Variants in CHCHD5 observed in about 807,000 individuals in gnomAD.
The protein encoded by CHCHD5 is coiled-coil-helix-coiled-coil-helix domain containing 5.
CHCHD5 carries 10 observed loss-of-function variants against 16.0 expected under a neutral mutation model. The ratio of observed to expected loss-of-function variants is 0.63; its 90% confidence interval spans 0.39 to 1.06. The LOEUF is 1.06. Ranked by LOEUF, CHCHD5 falls within the 50% of genes least tolerant of loss-of-function variation. CHCHD5 has a pLI of 0.01. For synonymous variants in CHCHD5, 55 were observed against 56.3 expected (o/e 0.98, Z 0.10); for missense variants, 163 against 153.4 (o/e 1.06, Z -0.33).
intron 2 of CHCHD5, 42 bp from the exon 3 acceptor site, chr2:112,586,158 G>A (rs1464279260): frequency 1.9e-6 from 3 of 1,609,900 alleles, no homozygotes; most frequent in Admixed American, 1.7e-5. Context: ...GTGGGCAGTG[G>A]GGTGGGAATC....
chr2:112,588,804 A>C, intron 3 of CHCHD5, 62 bp from the exon 4 acceptor site: 1 of 1,376,834 alleles, frequency 7.3e-7, no homozygotes, highest in African/African-American at 1.4e-5. Flanking sequence ...TGGTGTCTAC[A>C]TAGGCTCCCC....
intron 3 of CHCHD5, chr2:112,586,799 CTCTT>C (rs1574151787): frequency 1.9e-6 from 1 of 523,338 alleles, no homozygotes; most frequent in East Asian, 3.1e-5. Context: ...CTCACCCTCT[CTCTT>C]CTTTCTCACT....
chr2:112,586,143 G>C (rs373521228), intron 2 of CHCHD5, 29 bp downstream of exon 2: 5 of 1,611,580 alleles, frequency 3.1e-6, no homozygotes, highest in South Asian at 1.1e-5. Flanking sequence ...GAGACAGTGT[G>C]GGGGGTGGGC....
intron 1 of CHCHD5, chr2:112,584,875 C>A (rs895220484): frequency 3.4e-6 from 2 of 590,290 alleles, no homozygotes; most frequent in Non-Finnish European, 3.0e-6. Flanking sequence ...CTTAGGACTT[C>A]GGTCCAGTCA....
Sources: gnomAD v4.1 joint callset for allele counts on GRCh38, gnomAD v4.1.1 for gene constraint, MANE v1.5 for transcripts, NCBI Gene and HGNC (gene_info 2026-07-23, HGNC 2026-07-21) for gene names.